Variants in C6orf58 observed in about 807,000 individuals in gnomAD.
C6orf58 encodes chromosome 6 open reading frame 58.
In C6orf58, 30 loss-of-function variants were observed where a neutral mutation model predicts 37.0. The ratio of observed to expected loss-of-function variants is 0.81; its 90% CI spans 0.61 to 1.10. The LOEUF (loss-of-function observed/expected upper bound fraction) is 1.10. Ranked by LOEUF, C6orf58 falls within the 50% of genes least tolerant of loss-of-function variation. C6orf58 has a pLI of 0.00. For missense variants in C6orf58, 368 were observed against 387.5 expected (o/e 0.95, Z 0.42); for synonymous variants, 143 against 134.1 (o/e 1.07, Z -0.46).
intron 4 of C6orf58, among the ~76,000 whole-genome samples, chr6:127,589,828 G>A (rs1775142509): frequency 6.6e-6 from 1 of 152,104 alleles, no homozygotes; most frequent in South Asian, 2.1e-4. Context: ...CAAGTATAAT[G>A]TGCTGAATTA....
intron 4 of C6orf58, among the ~76,000 whole-genome samples, chr6:127,589,403 A>G (rs755383886): frequency 3.9e-5 from 6 of 152,210 alleles, no homozygotes; most frequent in Non-Finnish European, 5.9e-5. Context: ...CAGCTCATAG[A>G]AACAGAAGAC....
Position 127,582,048 on chromosome 6 carries a change from A to C in C6orf58, c.674+766A>C, listed in dbSNP as rs113881681. Among the ~76,000 whole-genome samples the C allele has an allele frequency of 1.4e-4, 21 of 152,298 alleles. 2 individuals carry two copies. The highest frequency in any genetic ancestry group is 4.1e-4 in the African/African-American group (17 of 41,566). On this transcript the variant is annotated intron_variant, in intron 4 of 5. Transcript: ENST00000329722. ...TTCCCCACCTTTTGGTCTGCCTCTCAATTTTGAGAGGTTGACCAAAACCTT... is the reference window on the plus strand; with the variant it reads ...TTCCCCACCTTTTGGTCTGCCTCTCCATTTTGAGAGGTTGACCAAAACCTT...
chr6:127,590,066 AC>A lies in C6orf58; in HGVS notation c.675-20del. 1 of 1,535,640 alleles carries A rather than the reference AC, an allele frequency of 6.5e-7. No homozygotes were observed. The highest frequency in any genetic ancestry group is 9.0e-7 in the Non-Finnish European group (1 of 1,113,598). Reference sequence around the variant, plus strand: ...CTGAGGTGACTAATTATAATTAAATACTTTTCCGTTTGTCTTTTAGATATGA... The same window carrying A: ...CTGAGGTGACTAATTATAATTAAATATTTTCCGTTTGTCTTTTAGATATGA... On this transcript the variant is annotated intron_variant, in intron 4 of 5. Coordinates refer to ENST00000329722, the MANE Select transcript of C6orf58 (RefSeq NM_001010905.3).
chr6:127,585,512 T>G lies in C6orf58; in HGVS notation c.674+4230T>G, dbSNP rs72968913. 7.7e-3 allele frequency among the ~76,000 whole-genome samples: 1,172 copies of G among 152,276 alleles called. 9 individuals are homozygous for G. Among genetic ancestry groups the G allele is most frequent in the Middle Eastern group, 0.017 (5 of 294 alleles). Reference sequence around the variant, plus strand: ...TATAGAGAGGACTCAGTTGTTTAAATGATCAAAAAACCTAATGAAGACAAC... The same window carrying G: ...TATAGAGAGGACTCAGTTGTTTAAAGGATCAAAAAACCTAATGAAGACAAC... On this transcript the variant is annotated intron_variant, in intron 4 of 5. Transcript: ENST00000329722.
At chr6:127,585,196 G>A (rs375770319) in intron 4 of C6orf58, among the ~76,000 whole-genome samples, 24 of 151,998 alleles carry the variant, frequency 1.6e-4, no homozygotes, top group East Asian at 1.5e-3. Flanking sequence ...TATCAAATAG[G>A]CCCAATTACT....
chr6:127,586,463 C>A (rs1775107849), intron 4 of C6orf58, among the ~76,000 whole-genome samples: 1 of 152,208 alleles, frequency 6.6e-6, no homozygotes, highest in South Asian at 2.1e-4. Context: ...GTGCAAATTC[C>A]CTGTGGCTCC....
intron 4 of C6orf58, among the ~76,000 whole-genome samples, chr6:127,589,527 G>A (rs1050961764): frequency 7.7e-4 from 117 of 152,230 alleles, no homozygotes; most frequent in African/African-American, 2.8e-3. Context: ...GGGACAAATA[G>A]TTACAGAGGC....
intron 4 of C6orf58, among the ~76,000 whole-genome samples, chr6:127,583,741 T>A (rs1439981557): frequency 6.6e-6 from 1 of 152,128 alleles, no homozygotes; most frequent in African/African-American, 2.4e-5. Context: ...ACATGGAAAA[T>A]CTGGTTGTTA....
intron 4 of C6orf58, among the ~76,000 whole-genome samples, chr6:127,583,171 C>G (rs1444573435): frequency 6.6e-6 from 1 of 152,144 alleles, no homozygotes; most frequent in African/African-American, 2.4e-5. Flanking sequence ...TAGATTTAAA[C>G]AGGCAATCTG....
At chr6:127,580,518 T>C (rs1034322299) in intron 3 of C6orf58, 69 bp downstream of exon 3, 1 of 1,171,480 alleles carries the variant, frequency 8.5e-7, no homozygotes, top group Non-Finnish European at 1.2e-6. Flanking sequence ...TCTAGGATTT[T>C]TTTGTGCATT....
intron 4 of C6orf58, among the ~76,000 whole-genome samples, chr6:127,587,565 G>T (rs1197332505): frequency 6.6e-6 from 1 of 152,084 alleles, no homozygotes; most frequent in Non-Finnish European, 1.5e-5. Flanking sequence ...CTTTGTCAAG[G>T]TCTATGAATT....
chr6:127,578,619 A>T, intron 1 of C6orf58, 67 bp from the exon 2 acceptor site: 1 of 1,050,790 alleles, frequency 9.5e-7, no homozygotes, highest in Non-Finnish European at 1.5e-6. Context: ...CTATGTGGTT[A>T]AGCAATAGTT....
At chr6:127,585,426 T>A (rs764696335) in intron 4 of C6orf58, among the ~76,000 whole-genome samples, 1 of 152,162 alleles carries the variant, frequency 6.6e-6, no homozygotes, top group Non-Finnish European at 1.5e-5. Flanking sequence ...GAGTGATAAT[T>A]TAAAGACTTT....
intron 5 of C6orf58, 88 bp from the exon 6 acceptor site, chr6:127,591,455 T>G: frequency 8.7e-7 from 1 of 1,149,770 alleles, no homozygotes; most frequent in Non-Finnish European, 1.2e-6. Flanking sequence ...AGAAAGGAAA[T>G]GAAATAAAAT....
chr6:127,587,942 T>C (rs867888337), intron 4 of C6orf58, among the ~76,000 whole-genome samples: 17 of 152,334 alleles, frequency 1.1e-4, no homozygotes, highest in African/African-American at 4.1e-4. Context: ...ATTTACTATG[T>C]GTGAGGCTCT....
chr6:127,590,176 C>G lies in C6orf58; in HGVS notation c.764C>G (p.Thr255Ser), dbSNP rs1255817258. 1 of 1,613,654 alleles carries G rather than the reference C, an allele frequency of 6.2e-7. No homozygotes were observed. The highest frequency in any genetic ancestry group is 8.5e-7 in the Non-Finnish European group (1 of 1,179,830). Residue 255 changes from threonine to serine, a missense_variant, in exon 5 of 6, where the codon ACC (threonine) becomes AGC (serine). Coordinates refer to ENST00000329722, the MANE Select transcript of C6orf58 (RefSeq NM_001010905.3). ...TTAGCTGCAGTCCTCTTTCCTACAACCTTGATTAGATCATATAAGTTCCAG... is the reference window on the plus strand; with the variant it reads ...TTAGCTGCAGTCCTCTTTCCTACAAGCTTGATTAGATCATATAAGTTCCAG... ...DHLAAVLFPT[T>S]LIRSYKFQKG...
chr6:127,581,334 G>A, intron 4 of C6orf58, 52 bp downstream of exon 4: 2 of 776,788 alleles, frequency 2.6e-6, no homozygotes, highest in Non-Finnish European at 3.9e-6. Context: ...ATAATTTTGG[G>A]CATTATTTAT....
In C6orf58 at chr6:127,577,345, C is replaced by A. The variant is rs760569836; in HGVS notation, c.160C>A (p.Pro54Thr). 36 of 1,613,520 alleles carry A rather than the reference C, an allele frequency of 2.2e-5. No homozygotes were observed. The highest frequency in any genetic ancestry group is 1.1e-5 in the South Asian group (1 of 91,074). ...GGAGAACAGCATGTACATTATTAAT[C>A]CCTGGGTATACCTTGAGAGAATGGG... is the stretch of plus-strand genomic sequence containing the variant. ...RVENSMYIIN[P>T]WVYLERMGMY... Residue 54 changes from proline (P) to threonine (T), a missense_variant, in exon 1 of 6, where the codon CCC becomes ACC. Coordinates refer to ENST00000329722, the MANE Select transcript of C6orf58 (RefSeq NM_001010905.3).
Position 127,580,311 on chromosome 6 carries a change from T to C in C6orf58, c.435T>C (p.Asp145=). The change falls in exon 3 of 6, where the codon GAT becomes GAC. Residue 145 remains aspartate, a synonymous_variant. Transcript: ENST00000329722. The part of the protein sequence containing the change: ...LSSLPFLAAV[D]SGVMGISSDQ... ...CATTACCCTTTCTTGCTGCGGTTGA[T>C]TCTGGTGTAATGGGGATATCATCAG... 8 of 1,613,046 alleles carry C rather than the reference T, an allele frequency of 5.0e-6. No individual in the cohort carries two copies. The highest frequency in any genetic ancestry group is 6.8e-6 in the Non-Finnish European group (8 of 1,179,264).
Sources: gnomAD v4.1 joint callset for allele counts (sites outside exome capture counted in the v4.1 genomes callset) on GRCh38, gnomAD v4.1.1 for gene constraint, MANE v1.5 for transcripts, NCBI Gene and HGNC (gene_info 2026-07-23, HGNC 2026-07-21) for gene names.